The following PSPC1 variants were observed in gnomAD, a reference collection of about 807,000 sequenced individuals.
The protein encoded by PSPC1 is paraspeckle component 1.
A neutral mutation model predicts 51.6 loss-of-function variants in PSPC1; 14 were observed. That is an observed-to-expected ratio of 0.27 (90% CI 0.18 to 0.42). The LOEUF (loss-of-function observed/expected upper bound fraction) is 0.42. Ranked by LOEUF, PSPC1 falls within the 10% of genes least tolerant of loss-of-function variation. PSPC1 has a pLI of 1.00. For missense variants in PSPC1, 406 were observed against 701.1 expected, an observed-to-expected ratio of 0.58 and a Z score of 4.75; for synonymous variants, 193 against 231.9, an observed-to-expected ratio of 0.83 and a Z score of 1.53.
intron 6 of PSPC1, among the ~76,000 whole-genome samples, chr13:19,683,070 A>C (rs1024708358): frequency 6.6e-6 from 1 of 152,064 alleles, no homozygotes; most frequent in Admixed American, 6.6e-5. Flanking sequence ...CCTGTCTCAA[A>C]AGAAAAAAAG....
chr13:19,772,149 G>A, intron 2 of PSPC1, 93 bp downstream of exon 2: 1 of 1,324,492 alleles, frequency 7.6e-7, no homozygotes, highest in Non-Finnish European at 1.0e-6. Context: ...CTTACCATAT[G>A]CTAGTATGAA....
intron 3 of PSPC1, among the ~76,000 whole-genome samples, chr13:19,752,052 C>T (rs1288740599): frequency 2.0e-5 from 3 of 151,766 alleles, no homozygotes; most frequent in Non-Finnish European, 2.9e-5. Flanking sequence ...AGCGAGACTC[C>T]GTCCCAAAAA....
At chr13:19,768,277 A>AG (rs1888262063) in intron 2 of PSPC1, among the ~76,000 whole-genome samples, 1 of 152,042 alleles carries the variant, frequency 6.6e-6, no homozygotes, top group African/African-American at 2.4e-5. Flanking sequence ...AACAAGCCAC[A>AG]GACTGGCAGG....
chr13:19,677,979 ATTTTCT>A, intron 6 of PSPC1: 1 of 331,920 alleles, frequency 3.0e-6, no homozygotes. Flanking sequence ...TTCAGTAAGG[ATTTTCT>A]TTTTAATTCA....
At chr13:19,707,756 G>A (rs993063283) in intron 7 of PSPC1, among the ~76,000 whole-genome samples, 4 of 152,198 alleles carry the variant, frequency 2.6e-5, no homozygotes, top group African/African-American at 9.6e-5. Context: ...TGCACCATCA[G>A]AAATGGTTTT....
At chr13:19,764,210 G>C (rs1369187818) in intron 2 of PSPC1, among the ~76,000 whole-genome samples, 1 of 152,098 alleles carries the variant, frequency 6.6e-6, no homozygotes, top group Non-Finnish European at 1.5e-5. Context: ...GAGGAGCTCT[G>C]ATCACATTTT....
At chr13:19,753,356 C>T (rs1886756584) in intron 3 of PSPC1, among the ~76,000 whole-genome samples, 1 of 150,816 alleles carries the variant, frequency 6.6e-6, no homozygotes. Context: ...CCACCTGAGG[C>T]TACAGAGCAC....
chr13:19,733,544 TGAG>T (rs1219109952), intron 5 of PSPC1, among the ~76,000 whole-genome samples: 3 of 151,918 alleles, frequency 2.0e-5, no homozygotes, highest in Non-Finnish European at 4.4e-5. Flanking sequence ...GCAGATCACT[TGAG>T]GTCAGCAGTT....
chr13:19,717,014 A>ATC (rs1347727806), intron 6 of PSPC1, among the ~76,000 whole-genome samples: 3 of 151,408 alleles, frequency 2.0e-5, no homozygotes, highest in Non-Finnish European at 4.4e-5. Flanking sequence ...TGATGGTGAA[A>ATC]CCCCATCTCT....
At position 19,749,204 on chromosome 13, in the gene PSPC1, C is replaced by T. The variant is rs375639247; in HGVS notation, c.967+2067G>A. ...TCTACTAAAAATACAAAAAATTAGCCGAGTGTAGAGGCATACACTTGTAAT... is the reference window on the plus strand; with the variant it reads ...TCTACTAAAAATACAAAAAATTAGCTGAGTGTAGAGGCATACACTTGTAAT... On this transcript the variant is annotated intron_variant, in intron 4 of 8. Transcript: ENST00000338910. Among the ~76,000 whole-genome samples the T allele has an allele frequency of 2.0e-4, 30 of 152,106 alleles. 1 individual carries two copies. Among genetic ancestry groups the T allele is most frequent in the East Asian group, 1.5e-3 (8 of 5,178 alleles).
chr13:19,728,349 C>G (rs1883604544), intron 6 of PSPC1, among the ~76,000 whole-genome samples: 1 of 151,922 alleles, frequency 6.6e-6, no homozygotes, highest in South Asian at 2.1e-4. Flanking sequence ...ATTACTTGGA[C>G]AAGTTGAACA....
In PSPC1 at chr13:19,736,130, C is replaced by T. The variant is rs1593661160; in HGVS notation, c.1052+5435G>A. On this transcript the variant is annotated intron_variant, in intron 5 of 8. Transcript: ENST00000338910. ...CCACCGCGCCCGGCCAAAAACTACT[C>T]AATTTTAAGGCAAGTTGTTCACACT... 2.6e-5 allele frequency among the ~76,000 whole-genome samples: 4 copies of T among 151,976 alleles called. No individual in the cohort carries two copies. In the East Asian group the frequency reaches 7.8e-4, roughly 30 times the overall value.
In PSPC1 at chr13:19,782,649, T is replaced by C. The variant is rs1427547237; in HGVS notation, c.109A>G (p.Met37Val). Residue 37 changes from methionine to valine, a missense_variant, in exon 1 of 9, where the codon ATG (methionine) becomes GTG (valine). Met to Val is a conservative substitution (Grantham distance 21). Transcript: ENST00000338910. This position sits in a 1 kb window ranked among gnomAD's most constrained non-coding sequence, Gnocchi z 4.5. ...GESEPAAAAAMALALAGEPAP... is the reference protein window; with the variant it reads ...GESEPAAAAAVALALAGEPAP... ...GGCTCCCCGGCAAGAGCGAGCGCCA[T>C]GGCTGCCGCGGCCGCCGGCTCGCTC... 3 of 1,557,420 alleles carry C rather than the reference T, an allele frequency of 1.9e-6. No homozygotes were observed. The highest frequency in any genetic ancestry group is 2.6e-6 in the Non-Finnish European group (3 of 1,160,730).
chr13:19,732,083 A>G (rs1309547593), intron 5 of PSPC1, among the ~76,000 whole-genome samples: 1 of 152,304 alleles, frequency 6.6e-6, no homozygotes, highest in East Asian at 1.9e-4. Flanking sequence ...TAATTCAAAG[A>G]TATGGTGATT....
intron 6 of PSPC1, among the ~76,000 whole-genome samples, chr13:19,690,126 C>G (rs548507310): frequency 6.6e-6 from 1 of 152,182 alleles, no homozygotes; most frequent in Non-Finnish European, 1.5e-5. Flanking sequence ...CAATCTATGT[C>G]AGTACAATAT....
downstream of PSPC1, among the ~76,000 whole-genome samples, chr13:19,700,119 TATG>T (rs1428865863): frequency 5.9e-5 from 9 of 152,124 alleles, no homozygotes; most frequent in Non-Finnish European, 1.2e-4. Flanking sequence ...ATTCAGAATC[TATG>T]TTGTAATGAT....
At chr13:19,725,022 A>G (rs1460804459) in intron 6 of PSPC1, among the ~76,000 whole-genome samples, 2 of 150,926 alleles carry the variant, frequency 1.3e-5, no homozygotes, top group Admixed American at 1.3e-4. Flanking sequence ...AAATAAAAAT[A>G]AAAAATTAGC....
chr13:19,681,705 G>A (rs1046184427), intron 6 of PSPC1, among the ~76,000 whole-genome samples: 1 of 152,150 alleles, frequency 6.6e-6, no homozygotes, highest in Admixed American at 6.6e-5. Flanking sequence ...AGATTTTGGT[G>A]GGGTAGGGAT....
intron 6 of PSPC1, among the ~76,000 whole-genome samples, chr13:19,728,977 C>A (rs1022461174): frequency 5.9e-5 from 9 of 152,106 alleles, no homozygotes; most frequent in South Asian, 2.1e-4. Flanking sequence ...TAAGTTATTG[C>A]GAGTCACAAA....
Sources: gnomAD v4.1 joint callset for allele counts (sites outside exome capture counted in the v4.1 genomes callset) on GRCh38, gnomAD v4.1.1 for gene constraint, Gnocchi (gnomAD v3.1) non-coding constraint, MANE v1.5 for transcripts, NCBI Gene and HGNC (gene_info 2026-07-23, HGNC 2026-07-21) for gene names.